PCNX2: variants seen among roughly 807,000 people sequenced by gnomAD.
PCNX2 encodes pecanex 2, also known as pecanex-like protein 2.
In PCNX2, 168 loss-of-function variants were observed where a neutral mutation model predicts 223.8. The ratio of observed to expected loss-of-function variants is 0.75; its 90% CI spans 0.66 to 0.85. The LOEUF is 0.85. Among genes scored for constraint, PCNX2 ranks in the 40% least tolerant of loss-of-function variants. PCNX2 has a pLI of 0.00. For synonymous variants in PCNX2, 1,006 were observed against 1,052.6 expected (o/e 0.96, Z 0.86); for missense variants, 2,507 against 2,675.5 (o/e 0.94, Z 1.39).
At chr1:233,167,944 T>C (rs1178784843) in intron 17 of PCNX2, 1 of 615,766 alleles carries the variant, frequency 1.6e-6, no homozygotes, top group Non-Finnish European at 2.0e-6. Context: ...TTTTGTAATA[T>C]AAAAAGAGAA....
chr1:233,112,943 T>A, intron 21 of PCNX2: 1 of 1,289,326 alleles, frequency 7.8e-7, no homozygotes, highest in Non-Finnish European at 1.0e-6. Flanking sequence ...AGGGAAATCA[T>A]CCTCTTTGTG....
In PCNX2 at chr1:233,250,763, T is replaced by C. The variant is rs1483155236; in HGVS notation, c.2198A>G (p.Asn733Ser). ...CCGAGCCTGAGAGAGACAGTCATTA[T>C]TTGATGGTAGAGGCTGTAAAGGGCC... ...KEGPLQPLPS[N>S]NDCLSQAREM... Residue 733 changes from asparagine to serine, a missense_variant, in exon 8 of 34, where the codon AAT (asparagine) becomes AGT (serine). By Grantham distance (46) the Asn-to-Ser change is conservative (BLOSUM62 1). Transcript: ENST00000258229. The C allele has an allele frequency of 1.1e-5, 17 of 1,607,370 alleles. No individual in the cohort carries two copies. Among genetic ancestry groups the C allele is most frequent in the Non-Finnish European group, 1.4e-5 (17 of 1,176,880 alleles).
chr1:233,021,404 T>C (rs372360271), intron 26 of PCNX2, among the ~76,000 whole-genome samples: 79 of 152,240 alleles, frequency 5.2e-4, no homozygotes, highest in Middle Eastern at 3.4e-3. Flanking sequence ...TTAAACAATA[T>C]AAGTCCTTGG....
rs1197414579 is a variant in PCNX2, at chr1:233,161,355, G to A, written c.3282C>T (p.Val1094=). ...PKKMKDSVTD[V]LKWDLIVCAV... ...CGCAGACGATGAGATCCCATTTTAA[G>A]ACATCCGTCTGGAAAGAGAAAACCA... The change falls in exon 18 of 34, where the codon GTC becomes GTT. Residue 1094 remains valine, a synonymous_variant. Coordinates refer to ENST00000258229, the MANE Select transcript of PCNX2 (RefSeq NM_014801.4). The A allele has an allele frequency of 1.2e-6, 2 of 1,613,746 alleles. No homozygotes were observed. The highest frequency in any genetic ancestry group is 1.7e-6 in the Non-Finnish European group (2 of 1,179,770).
At chr1:233,044,596 AT>A (rs1671760911) in intron 25 of PCNX2, among the ~76,000 whole-genome samples, 1 of 151,772 alleles carries the variant, frequency 6.6e-6, no homozygotes, top group African/African-American at 2.4e-5. Context: ...TAACAAGAAA[AT>A]AGTTTATTTC....
intron 31 of PCNX2, among the ~76,000 whole-genome samples, chr1:232,998,897 C>G (rs1669969208): frequency 6.6e-6 from 1 of 152,212 alleles, no homozygotes; most frequent in Non-Finnish European, 1.5e-5. Context: ...GAAAGAGATT[C>G]TCATCCATAT....
intron 19 of PCNX2, among the ~76,000 whole-genome samples, chr1:233,150,912 G>A (rs929783815): frequency 3.3e-5 from 5 of 152,042 alleles, no homozygotes; most frequent in African/African-American, 9.7e-5. Context: ...CTGAAAAAGC[G>A]AATAGAACCA....
At chr1:233,043,311 C>T (rs1319247821) in intron 25 of PCNX2, among the ~76,000 whole-genome samples, 9 of 152,160 alleles carry the variant, frequency 5.9e-5, no homozygotes, top group Admixed American at 5.9e-4. Flanking sequence ...ATGGGATTTA[C>T]GATCCAATAG....
chr1:233,185,349 C>T (rs552564903), intron 15 of PCNX2, among the ~76,000 whole-genome samples: 142 of 152,094 alleles, frequency 9.3e-4, no homozygotes, highest in Middle Eastern at 3.4e-3. Flanking sequence ...AGAGACTTGC[C>T]CAAGGTGGTA....
intron 2 of PCNX2, 68 bp downstream of exon 2, chr1:233,262,890 A>G (rs12120677): frequency 0.11 from 161,470 of 1,489,988 alleles, 9,799 homozygotes; most frequent in South Asian, 0.17. Flanking sequence ...AAACACTGAT[A>G]AAAAACTTAT....
intron 1 of PCNX2, among the ~76,000 whole-genome samples, chr1:233,278,319 C>A (rs1661018053): frequency 1.3e-5 from 2 of 152,222 alleles, no homozygotes. Context: ...GGCAAGTCTG[C>A]AGAGAAGATG....
At position 233,258,980 on chromosome 1, in the gene PCNX2, G is replaced by A; in HGVS notation, c.882C>T (p.Ser294=). ...ACTTGCTTTGTACCCGTTCCCTTAT[G>A]GAGCCCCGGGGACAACTGACAGGTT... ...IPEPVSCPRG[S]IRERVQSKSP... is the part of the protein sequence containing the mutation. The change falls in exon 5 of 34, where the codon TCC becomes TCT. Residue 294 remains serine (S), a synonymous_variant. Coordinates refer to ENST00000258229, the MANE Select transcript of PCNX2 (RefSeq NM_014801.4). 6.2e-7 allele frequency: 1 copy of A among 1,613,902 alleles called. No homozygotes were observed. The highest frequency in any genetic ancestry group is 8.5e-7 in the Non-Finnish European group (1 of 1,179,882).
chr1:233,028,504 C>T (rs972872562), intron 25 of PCNX2, among the ~76,000 whole-genome samples: 2 of 152,186 alleles, frequency 1.3e-5, no homozygotes, highest in African/African-American at 4.8e-5. Context: ...TGATACACCT[C>T]ATCTTGAAGT....
rs1228741158 is a variant in PCNX2, at chr1:232,991,920, A to C, written c.5792-5380T>G. Among the ~76,000 whole-genome samples the C allele has an allele frequency of 1.3e-5, 2 of 152,166 alleles. No individual in the cohort carries two copies. Among genetic ancestry groups the C allele is most frequent in the African/African-American group, 2.4e-5 (1 of 41,436 alleles). ...TTGTCATGGCAGCCCAAGCAGACTC[A>C]CACATTCTGAGCTGAAGCCATCATT... is the stretch of plus-strand genomic sequence containing the variant. On this transcript the variant is annotated intron_variant, in intron 32 of 33. Transcript: ENST00000258229. This position sits in a 1 kb window ranked among gnomAD's most constrained non-coding sequence, Gnocchi z 4.3.
intron 8 of PCNX2, among the ~76,000 whole-genome samples, chr1:233,244,075 C>T (rs1041024859): frequency 9.9e-5 from 15 of 152,196 alleles, no homozygotes; most frequent in Admixed American, 4.6e-4. Context: ...GTGATCCGCC[C>T]GCCATGGCCT....
chr1:233,306,423 A>G, the PCNX2 span, among the ~76,000 whole-genome samples: 1 of 152,248 alleles, frequency 6.6e-6, no homozygotes, highest in Non-Finnish European at 1.5e-5. Flanking sequence ...TACTGGTAGC[A>G]TGAAGCCCCA....
At chr1:233,178,399 G>A (rs954914984) in intron 16 of PCNX2, among the ~76,000 whole-genome samples, 8 of 152,128 alleles carry the variant, frequency 5.3e-5, no homozygotes, top group Admixed American at 3.3e-4. Flanking sequence ...AATTACATAA[G>A]ATGCTACTGT....
At chr1:232,997,230 C>T (rs953138016) in intron 32 of PCNX2, among the ~76,000 whole-genome samples, 1 of 152,180 alleles carries the variant, frequency 6.6e-6, no homozygotes. Context: ...TTAACCTTGG[C>T]AAAATAAACC....
At chr1:233,160,246 CTT>C (rs78656857) in intron 19 of PCNX2, 35 bp downstream of exon 19, 14,561 of 1,377,022 alleles carry the variant, frequency 0.011, no homozygotes, top group South Asian at 0.02. Context: ...CCTACCCCTC[CTT>C]TTTTTTTTTT....
Sources: allele counts gnomAD v4.1 joint callset (sites outside exome capture counted in the v4.1 genomes callset), GRCh38; gene constraint gnomAD v4.1.1; non-coding constraint Gnocchi (gnomAD v3.1); transcripts MANE v1.5; gene names NCBI Gene and HGNC (gene_info 2026-07-23, HGNC 2026-07-21).